The following OR1J2 variants were observed in gnomAD, a reference collection of about 807,000 sequenced individuals.
OR1J2 encodes the protein olfactory receptor family 1 subfamily J member 2.
For missense variants in OR1J2, 304 were observed against 246.1 expected, an observed-to-expected ratio of 1.24 and a Z score of -1.57; for synonymous variants, 142 against 99.7, an observed-to-expected ratio of 1.42 and a Z score of -2.52.
At chr9:122,569,837 AC>A in the OR1J2 span, among the ~76,000 whole-genome samples, 1 of 119,618 alleles carries the variant, frequency 8.4e-6, no homozygotes, top group African/African-American at 3.4e-5. Context: ...CCCTGCCCCC[AC>A]CCCACAACAG....
chr9:122,523,739 T>G, the OR1J2 span, among the ~76,000 whole-genome samples: 2 of 152,258 alleles, frequency 1.3e-5, no homozygotes, highest in Non-Finnish European at 2.9e-5. Context: ...TAATTTTGAT[T>G]AGGTTTAACA....
At chr9:122,522,620 A>T in the OR1J2 span, among the ~76,000 whole-genome samples, 1 of 152,176 alleles carries the variant, frequency 6.6e-6, no homozygotes, top group African/African-American at 2.4e-5. Flanking sequence ...TCACATATAC[A>T]TACAATTTAA....
At chr9:122,536,352 T>C in the OR1J2 span, among the ~76,000 whole-genome samples, 2 of 152,360 alleles carry the variant, frequency 1.3e-5, no homozygotes, top group East Asian at 3.9e-4. Context: ...AGAATTCTTA[T>C]GCTTCTGGTT....
chr9:122,531,425 G>C, the OR1J2 span, among the ~76,000 whole-genome samples: 4 of 152,308 alleles, frequency 2.6e-5, no homozygotes, highest in African/African-American at 9.6e-5. Context: ...GTGAATAGGA[G>C]TATGACTAGA....
chr9:122,537,843 C>A, the OR1J2 span, among the ~76,000 whole-genome samples: 4 of 152,136 alleles, frequency 2.6e-5, no homozygotes, highest in African/African-American at 9.7e-5. Context: ...CAGCTCTCTG[C>A]AGCAGAGAAG....
chr9:122,531,779 T>G, the OR1J2 span, among the ~76,000 whole-genome samples: 1 of 152,170 alleles, frequency 6.6e-6, no homozygotes, highest in East Asian at 1.9e-4. Context: ...AAAGGCTGGT[T>G]TGTTATCAGA....
the OR1J2 span, among the ~76,000 whole-genome samples, chr9:122,528,606 A>C: frequency 6.6e-6 from 1 of 152,202 alleles, no homozygotes; most frequent in South Asian, 2.1e-4. Flanking sequence ...TAAAATAAAT[A>C]AATAAATAAA....
the OR1J2 span, among the ~76,000 whole-genome samples, chr9:122,449,252 A>G: frequency 3.2e-3 from 488 of 152,310 alleles, 4 homozygotes; most frequent in Middle Eastern, 0.048. Context: ...ACACTGGAAT[A>G]TGAATGGTCA....
chr9:122,537,225 G>A, the OR1J2 span, among the ~76,000 whole-genome samples: 1 of 152,208 alleles, frequency 6.6e-6, no homozygotes, highest in Non-Finnish European at 1.5e-5. Flanking sequence ...ATGCACCGGT[G>A]GTCAGAGAGA....
chr9:122,540,700 C>A, the OR1J2 span, among the ~76,000 whole-genome samples: 1 of 152,132 alleles, frequency 6.6e-6, no homozygotes, highest in Non-Finnish European at 1.5e-5. Context: ...TATAAATTAC[C>A]TTGGGCAGTA....
the OR1J2 span, among the ~76,000 whole-genome samples, chr9:122,570,527 G>A: frequency 3.9e-5 from 6 of 152,058 alleles, no homozygotes; most frequent in South Asian, 2.1e-4. Context: ...GTATAAAATC[G>A]AACACAAATA....
the OR1J2 span, chr9:122,552,986 G>A: frequency 1.7e-6 from 1 of 575,592 alleles, no homozygotes; most frequent in African/African-American, 1.8e-5. Flanking sequence ...GCACAATTGA[G>A]ATTTGAATGG....
At chr9:122,491,961 AAG>A in the OR1J2 span, among the ~76,000 whole-genome samples, 37 of 152,278 alleles carry the variant, frequency 2.4e-4, no homozygotes, top group East Asian at 5.6e-3. Context: ...TAGGATAAAA[AAG>A]AGAGAAAAAA....
chr9:122,553,653 C>G, the OR1J2 span: 5 of 1,614,132 alleles, frequency 3.1e-6, no homozygotes, highest in Non-Finnish European at 4.2e-6. Context: ...TGCACTAATG[C>G]TGGGTGTGTG....
At chr9:122,552,346 A>G in the OR1J2 span, among the ~76,000 whole-genome samples, 1 of 152,194 alleles carries the variant, frequency 6.6e-6, no homozygotes, top group African/African-American at 2.4e-5. Flanking sequence ...GATACCTTTC[A>G]CCTTCCCTCC....
At chr9:122,533,959 AGGG>A in the OR1J2 span, among the ~76,000 whole-genome samples, 1 of 152,184 alleles carries the variant, frequency 6.6e-6, no homozygotes, top group Non-Finnish European at 1.5e-5. Context: ...CCAGAGTTCC[AGGG>A]GCTCTGGGAG....
At chr9:122,565,487 T>G in the OR1J2 span, among the ~76,000 whole-genome samples, 1 of 152,204 alleles carries the variant, frequency 6.6e-6, no homozygotes, top group Non-Finnish European at 1.5e-5. Context: ...CAGCAGCATG[T>G]ACTCCCACTA....
At chr9:122,568,582 C>A in the OR1J2 span, 1 of 694,208 alleles carries the variant, frequency 1.4e-6, no homozygotes, top group Non-Finnish European at 2.4e-6. Flanking sequence ...TCTGTTTGGT[C>A]ACAATTAGCT....
At chr9:122,485,699 A>G in the OR1J2 span, among the ~76,000 whole-genome samples, 10 of 152,316 alleles carry the variant, frequency 6.6e-5, no homozygotes, top group Admixed American at 1.3e-4. Flanking sequence ...GCTGAGAGCA[A>G]TTTATTTGGG....
Sources: gnomAD v4.1 joint callset for allele counts (sites outside exome capture counted in the v4.1 genomes callset) on GRCh38, gnomAD v4.1.1 for gene constraint, MANE v1.5 for transcripts, NCBI Gene and HGNC (gene_info 2026-07-23, HGNC 2026-07-21) for gene names.